Variants in AGBL4 observed in about 807,000 individuals in gnomAD.
AGBL4 encodes the protein cytosolic carboxypeptidase 6.
A neutral mutation model predicts 66.4 loss-of-function variants in AGBL4; 58 were observed. The ratio of observed to expected loss-of-function variants is 0.87; its 90% CI spans 0.71 to 1.09. The LOEUF is 1.09. Ranked by LOEUF, AGBL4 falls within the 50% of genes least tolerant of loss-of-function variation. AGBL4 has a pLI of 0.00. For missense variants in AGBL4, 579 were observed against 631.0 expected (o/e 0.92, Z 0.88); for synonymous variants, 234 against 222.9 (o/e 1.05, Z -0.44).
intron 5 of AGBL4, among the ~76,000 whole-genome samples, chr1:48,926,122 ATATTC>A (rs1254403043): frequency 6.6e-6 from 1 of 152,206 alleles, no homozygotes; most frequent in Non-Finnish European, 1.5e-5. Flanking sequence ...TCCTGTCACA[ATATTC>A]TATTCAAAAC....
chr1:49,010,844 T>C (rs1444512988), intron 5 of AGBL4, among the ~76,000 whole-genome samples: 2 of 151,630 alleles, frequency 1.3e-5, no homozygotes, highest in African/African-American at 4.8e-5. Context: ...AAGCTGAAAC[T>C]GGATCCCTTC....
At chr1:49,948,480 AATAT>A (rs374163557) in intron 1 of AGBL4, among the ~76,000 whole-genome samples, 5 of 112,610 alleles carry the variant, frequency 4.4e-5, no homozygotes, top group Admixed American at 1.1e-4. Flanking sequence ...TAAATATATA[AATAT>A]AAATATATAA....
At chr1:49,530,281 A>AAAAAAAAAAAAAAAAAAAAAAC (rs1370165803) in intron 3 of AGBL4, among the ~76,000 whole-genome samples, 1 of 148,024 alleles carries the variant, frequency 6.8e-6, no homozygotes. Flanking sequence ...AACAAAAAAA[A>AAAAAAAAAAAAAAAAAAAAAAC]ACTCTATGAG....
At chr1:49,711,925 A>G (rs1647698918) in intron 2 of AGBL4, among the ~76,000 whole-genome samples, 1 of 152,002 alleles carries the variant, frequency 6.6e-6, no homozygotes, top group Non-Finnish European at 1.5e-5. Context: ...ATCTGTCTCT[A>G]TCACTTAATA....
intron 3 of AGBL4, among the ~76,000 whole-genome samples, chr1:49,253,972 A>G (rs1652277189): frequency 2.0e-5 from 3 of 152,234 alleles, no homozygotes. Flanking sequence ...ACATTACTTC[A>G]TGTTAAAAAC....
chr1:49,111,668 T>C (rs1645414612), intron 4 of AGBL4, among the ~76,000 whole-genome samples: 1 of 152,218 alleles, frequency 6.6e-6, no homozygotes, highest in African/African-American at 2.4e-5. Context: ...ATGTATTTCA[T>C]TGCTTACTTG....
At chr1:49,601,295 G>A (rs982171352) in intron 3 of AGBL4, among the ~76,000 whole-genome samples, 2 of 151,012 alleles carry the variant, frequency 1.3e-5, no homozygotes, top group African/African-American at 4.9e-5. Flanking sequence ...TTTTCACATG[G>A]TCCCATATTT....
At chr1:48,779,923 A>G (rs970303714) in intron 6 of AGBL4, among the ~76,000 whole-genome samples, 2 of 152,040 alleles carry the variant, frequency 1.3e-5, no homozygotes, top group Admixed American at 6.6e-5. Flanking sequence ...CATGTTGGTC[A>G]GGCTGGTCTC....
chr1:49,416,460 A>G (rs549477229), intron 3 of AGBL4, among the ~76,000 whole-genome samples: 7 of 152,096 alleles, frequency 4.6e-5, no homozygotes, highest in African/African-American at 7.2e-5. Context: ...TGGAGCCACT[A>G]TTTCCTCATC....
At chr1:48,637,684 G>A (rs898141130) in intron 8 of AGBL4, among the ~76,000 whole-genome samples, 27 of 152,194 alleles carry the variant, frequency 1.8e-4, no homozygotes, top group African/African-American at 5.3e-4. Context: ...AGAGCTGCTC[G>A]GTTAATTGCT....
At chr1:48,549,458 G>A (rs979939716) in intron 11 of AGBL4, among the ~76,000 whole-genome samples, 1 of 152,112 alleles carries the variant, frequency 6.6e-6, no homozygotes, top group African/African-American at 2.4e-5. Flanking sequence ...AAAGAGAGGA[G>A]AGGGAGAAGG....
chr1:49,756,826 C>A (rs1009954186), intron 2 of AGBL4, among the ~76,000 whole-genome samples: 1 of 152,024 alleles, frequency 6.6e-6, no homozygotes. Context: ...GAGGCCTCCC[C>A]AGCCATGCAG....
intron 3 of AGBL4, among the ~76,000 whole-genome samples, chr1:49,582,440 T>C (rs1558073888): frequency 6.6e-6 from 1 of 152,090 alleles, no homozygotes; most frequent in South Asian, 2.1e-4. Context: ...GATGAGGTAG[T>C]TCATGCTTCA....
At chr1:48,625,625 C>T (rs764511874) in intron 9 of AGBL4, among the ~76,000 whole-genome samples, 6 of 152,140 alleles carry the variant, frequency 3.9e-5, no homozygotes, top group Non-Finnish European at 7.3e-5. Flanking sequence ...CATTGCCATT[C>T]CCAATTTACA....
At chr1:49,889,298 C>T (rs1648391734) in intron 1 of AGBL4, among the ~76,000 whole-genome samples, 1 of 152,134 alleles carries the variant, frequency 6.6e-6, no homozygotes, top group South Asian at 2.1e-4. Context: ...ATCACCACAC[C>T]ACCTCACTTC....
intron 3 of AGBL4, among the ~76,000 whole-genome samples, chr1:49,600,432 C>A (rs777588794): frequency 2.0e-5 from 3 of 152,122 alleles, no homozygotes; most frequent in Admixed American, 6.5e-5. Flanking sequence ...AGGGTTGCAA[C>A]TCCTGCATTT....
chr1:49,977,195 C>T (rs1002804516), intron 1 of AGBL4, among the ~76,000 whole-genome samples: 5 of 151,776 alleles, frequency 3.3e-5, no homozygotes, highest in African/African-American at 1.2e-4. Flanking sequence ...CCATGGGCTT[C>T]ACCTCCCAAA....
At chr1:48,797,476 A>C (rs1356455337) in intron 6 of AGBL4, among the ~76,000 whole-genome samples, 1 of 152,112 alleles carries the variant, frequency 6.6e-6, no homozygotes, top group African/African-American at 2.4e-5. Context: ...ACAATGTTTG[A>C]TTTTCCTTTC....
chr1:48,622,251 T>C (rs1645425880), intron 9 of AGBL4, among the ~76,000 whole-genome samples: 2 of 152,154 alleles, frequency 1.3e-5, no homozygotes, highest in South Asian at 4.1e-4. Flanking sequence ...AAAAAAATCC[T>C]ACCCTTCCTT....
Sources: allele counts gnomAD v4.1 joint callset (sites outside exome capture counted in the v4.1 genomes callset), GRCh38; gene constraint gnomAD v4.1.1; transcripts MANE v1.5; gene names NCBI Gene and HGNC (gene_info 2026-07-23, HGNC 2026-07-21).